USP13: variants seen among roughly 807,000 people sequenced by gnomAD.
USP13 encodes the protein ubiquitin specific peptidase 13.
Under a neutral mutation model 107.8 loss-of-function variants are expected in USP13, and 68 were observed. The ratio of observed to expected loss-of-function variants is 0.63; its 90% CI spans 0.52 to 0.77. USP13 has a LOEUF of 0.77. Ranked by LOEUF, USP13 falls within the 30% of genes least tolerant of loss-of-function variation. The pLI, the probability that USP13 is intolerant of heterozygous loss-of-function variation, is 0.00. For synonymous variants in USP13, 377 were observed against 389.5 expected (o/e 0.97, Z 0.38); for missense variants, 945 against 1,093.3 (o/e 0.86, Z 1.91).
chr3:179,728,106 C>G (rs1161166774), intron 8 of USP13, among the ~76,000 whole-genome samples: 1 of 97,858 alleles, frequency 1.0e-5, no homozygotes. Flanking sequence ...GACGGGGCAG[C>G]TGGCCGGGCA....
At chr3:179,726,561 G>A (rs186696184) in intron 8 of USP13, among the ~76,000 whole-genome samples, 1 of 152,302 alleles carries the variant, frequency 6.6e-6, no homozygotes, top group African/African-American at 2.4e-5. Context: ...TGCCAGGAGG[G>A]ATTATAGAGT....
intron 13 of USP13, among the ~76,000 whole-genome samples, chr3:179,749,071 AC>A (rs1459297635): frequency 1.3e-5 from 2 of 152,078 alleles, no homozygotes; most frequent in African/African-American, 4.8e-5. Flanking sequence ...CATATTTTCA[AC>A]CAGTAGACAG....
chr3:179,771,634 G>C (rs895551235), intron 19 of USP13, among the ~76,000 whole-genome samples: 7 of 152,200 alleles, frequency 4.6e-5, no homozygotes, highest in Non-Finnish European at 1.0e-4. Context: ...GCAGTGTTAG[G>C]TTACTGTTGC....
At chr3:179,763,977 AC>A in intron 17 of USP13, 24 bp from the exon 18 acceptor site, 1 of 1,567,476 alleles carries the variant, frequency 6.4e-7, no homozygotes. Context: ...AAAGGAAAAG[AC>A]TTGGGTGTGG....
Position 179,730,813 on chromosome 3 carries a change from G to T in USP13, c.1254+104G>T. ...ATGGTGGCCATAAATTTAGCAAGCT[G>T]TCAGAATAGTAATGTCATTTCAGTG... On this transcript the variant is annotated intron_variant, in intron 10 of 20. Coordinates refer to ENST00000263966, the MANE Select transcript of USP13 (RefSeq NM_003940.3). 3 of 1,001,870 alleles carry T rather than the reference G, an allele frequency of 3.0e-6. No individual in the cohort carries two copies. The South Asian group carries it at 4.5e-5, about 15-fold the overall frequency. The allele number at this position is 1,001,870 out of a possible 1,614,324, so 62.1% of individuals were successfully genotyped here.
Position 179,681,867 on chromosome 3 carries a change from C to T in USP13, c.169-11C>T, listed in dbSNP as rs114592220. 2.3e-3 allele frequency: 3,640 copies of T among 1,608,916 alleles called. 69 individuals carry two copies. The African/African-American group carries it at 0.041, about 18-fold the overall frequency. Reference sequence around the variant, plus strand: ...TGTCGTCGGCTAATGTACTTTTTCTCTTTCTTCTAGAATTCTGAAGGTGGA... The same window carrying T: ...TGTCGTCGGCTAATGTACTTTTTCTTTTTCTTCTAGAATTCTGAAGGTGGA... On this transcript the variant is annotated splice_polypyrimidine_tract_variant and intron_variant, in intron 1 of 20. Transcript: ENST00000263966.
At chr3:179,726,268 G>A (rs1713513348) in intron 8 of USP13, among the ~76,000 whole-genome samples, 1 of 152,182 alleles carries the variant, frequency 6.6e-6, no homozygotes, top group African/African-American at 2.4e-5. Flanking sequence ...GTCATGCCCT[G>A]GGGCAGCAAG....
intron 2 of USP13, among the ~76,000 whole-genome samples, chr3:179,688,009 T>G (rs1248768208): frequency 6.6e-6 from 1 of 152,136 alleles, no homozygotes; most frequent in Admixed American, 6.6e-5. Context: ...GTATGCTGTT[T>G]TCTCTGTCTA....
chr3:179,657,780 A>AAG (rs1553785795), intron 1 of USP13, among the ~76,000 whole-genome samples: 119 of 145,738 alleles, frequency 8.2e-4, no homozygotes, highest in African/African-American at 2.8e-3. Flanking sequence ...AAAAAAAAAA[A>AAG]AAAAAAGAAA....
At chr3:179,745,293 G>T (rs59131484) in intron 13 of USP13, 76 bp downstream of exon 13, 1 of 1,380,210 alleles carries the variant, frequency 7.2e-7, no homozygotes, top group Non-Finnish European at 1.0e-6. Flanking sequence ...AGGGAAAGGG[G>T]GTGGGTGTTA....
intron 2 of USP13, among the ~76,000 whole-genome samples, chr3:179,686,217 A>G (rs1711868699): frequency 6.6e-6 from 1 of 152,124 alleles, no homozygotes; most frequent in Admixed American, 6.5e-5. Flanking sequence ...CATCATACTC[A>G]TAAAATTATC....
intron 6 of USP13, among the ~76,000 whole-genome samples, chr3:179,718,917 C>T (rs149891306): frequency 2.0e-5 from 3 of 152,110 alleles, no homozygotes; most frequent in Non-Finnish European, 2.9e-5. Flanking sequence ...CCACCACGCC[C>T]GGCTAATTTT....
intron 18 of USP13, 151 bp from the exon 19 acceptor site, chr3:179,765,544 C>T (rs967846762): frequency 4.9e-6 from 4 of 814,146 alleles, no homozygotes; most frequent in East Asian, 2.9e-5. Context: ...GCCTGTCATG[C>T]GGAGTCAGAG....
At chr3:179,748,333 T>A (rs1165376035) in intron 13 of USP13, among the ~76,000 whole-genome samples, 2 of 152,244 alleles carry the variant, frequency 1.3e-5, no homozygotes, top group African/African-American at 4.8e-5. Flanking sequence ...TGCTTTATCA[T>A]GTTTCAAATA....
rs372906661 is a variant in USP13 at position 179,758,789 on chromosome 3, C to T, written c.1948+1711C>T. Reference sequence around the variant, plus strand: ...CTGGGATTACACACGTGAGCCACCGCGCCCGGCCCTTAAAATTTTTAAAAG... The same window carrying T: ...CTGGGATTACACACGTGAGCCACCGTGCCCGGCCCTTAAAATTTTTAAAAG... On this transcript the variant is annotated intron_variant, in intron 16 of 20. Transcript: ENST00000263966. Among the ~76,000 whole-genome samples the T allele has an allele frequency of 2.8e-4, 42 of 152,170 alleles. 1 individual carries two copies. The highest frequency in any genetic ancestry group is 5.3e-4 in the African/African-American group (22 of 41,518).
chr3:179,690,546 A>C (rs1473052806), intron 3 of USP13, among the ~76,000 whole-genome samples: 1 of 152,118 alleles, frequency 6.6e-6, no homozygotes, highest in Non-Finnish European at 1.5e-5. Context: ...AGTAATTATA[A>C]TTCTGCTTCA....
rs141582236 is a variant in USP13, at chr3:179,755,441, C to T, written c.1921+587C>T. 3.0e-4 allele frequency among the ~76,000 whole-genome samples: 45 copies of T among 152,144 alleles called. No individual in the cohort carries two copies. In the East Asian group the frequency reaches 6.8e-3, roughly 23 times the overall value. ...TCACGAGTAGCTGGGACTACAGGCGCGTGCCACCATGCCTGCTTAATTTTT... is the reference window on the plus strand; with the variant it reads ...TCACGAGTAGCTGGGACTACAGGCGTGTGCCACCATGCCTGCTTAATTTTT... On this transcript the variant is annotated intron_variant, in intron 15 of 20. Coordinates refer to ENST00000263966, the MANE Select transcript of USP13 (RefSeq NM_003940.3).
At chr3:179,746,231 T>C (rs899683304) in intron 13 of USP13, among the ~76,000 whole-genome samples, 4 of 147,388 alleles carry the variant, frequency 2.7e-5, no homozygotes, top group African/African-American at 9.9e-5. Context: ...TAAAATTTTA[T>C]ATATATACAT....
chr3:179,718,445 T>G (rs1211718591), intron 6 of USP13, among the ~76,000 whole-genome samples: 1 of 152,040 alleles, frequency 6.6e-6, no homozygotes, highest in Non-Finnish European at 1.5e-5. Flanking sequence ...ATGTGAGCCA[T>G]GTACCTCGCT....
Sources: gnomAD v4.1 joint callset for allele counts (sites outside exome capture counted in the v4.1 genomes callset) on GRCh38, gnomAD v4.1.1 for gene constraint, MANE v1.5 for transcripts, NCBI Gene and HGNC (gene_info 2026-07-23, HGNC 2026-07-21) for gene names.